Variants in ABCB1 observed in about 807,000 individuals in gnomAD.
The protein encoded by ABCB1 is ATP-dependent translocase ABCB1.
ABCB1 carries 69 observed loss-of-function variants against 142.0 expected under a neutral mutation model. The observed-to-expected ratio is 0.49, with a 90% confidence interval of 0.40 to 0.59. ABCB1 has a LOEUF of 0.59. ABCB1 is among the 20% of genes least tolerant of loss of function. The pLI, the probability that ABCB1 is intolerant of heterozygous loss-of-function variation, is 0.00. For synonymous variants in ABCB1, 532 were observed against 539.2 expected (o/e 0.99, Z 0.18); for missense variants, 1,326 against 1,554.7 (o/e 0.85, Z 2.47).
chr7:87,621,022 GAAGA>G (rs1160729058), intron 1 of ABCB1, among the ~76,000 whole-genome samples: 1 of 152,016 alleles, frequency 6.6e-6, no homozygotes, highest in Non-Finnish European at 1.5e-5. Flanking sequence ...AAAAAAATGT[GAAGA>G]AATAGACATA....
At chr7:87,526,539 A>G (rs1815791065) in intron 21 of ABCB1, among the ~76,000 whole-genome samples, 1 of 152,002 alleles carries the variant, frequency 6.6e-6, no homozygotes, top group Non-Finnish European at 1.5e-5. Context: ...TAAAAAAAAA[A>G]AGATTCTTAT....
chr7:87,538,634 C>A (rs1004058005), intron 19 of ABCB1, among the ~76,000 whole-genome samples: 3 of 152,182 alleles, frequency 2.0e-5, no homozygotes, highest in Non-Finnish European at 4.4e-5. Context: ...GTTAAAGGAA[C>A]TTTCCCCTTT....
At chr7:87,683,582 G>C (rs1009239585) in intron 1 of ABCB1, among the ~76,000 whole-genome samples, 2 of 152,174 alleles carry the variant, frequency 1.3e-5, no homozygotes, top group Non-Finnish European at 2.9e-5. Context: ...GGTAGCTGGA[G>C]CATTCAGAAC....
chr7:87,567,647 C>T (rs1340604325), intron 5 of ABCB1, among the ~76,000 whole-genome samples: 4 of 152,112 alleles, frequency 2.6e-5, no homozygotes, highest in Admixed American at 1.3e-4. Flanking sequence ...AACTGGCCAT[C>T]GTGAGTTATC....
intron 1 of ABCB1, among the ~76,000 whole-genome samples, chr7:87,671,526 T>C (rs1174124884): frequency 6.6e-6 from 1 of 152,048 alleles, no homozygotes; most frequent in Non-Finnish European, 1.5e-5. Context: ...TGCCTCGGAT[T>C]TTCTAGTACC....
At chr7:87,519,525 A>T (rs1326148150) in intron 22 of ABCB1, 59 bp from the exon 23 acceptor site, 1 of 1,609,050 alleles carries the variant, frequency 6.2e-7, no homozygotes, top group African/African-American at 1.3e-5. Context: ...TTAAAATGTA[A>T]CTTTTGATAG....
At chr7:87,712,597 G>A (rs185401345) in intron 1 of ABCB1, among the ~76,000 whole-genome samples, 2 of 152,140 alleles carry the variant, frequency 1.3e-5, no homozygotes, top group African/African-American at 2.4e-5. Context: ...AAATGATTGG[G>A]TGGGGTAGAA....
Position 87,615,684 on chromosome 7 carries a change from G to C in ABCB1, c.-330-14606C>G, listed in dbSNP as rs1426938495. ...GGGTAGCACCAACAAGATTGCAAAA[G>C]GCCTTACATGCCATGATAATATAAT... On this transcript the variant is annotated intron_variant, in intron 1 of 28. Transcript: ENST00000265724. Among the ~76,000 whole-genome samples, 7 of 152,292 alleles carry C rather than the reference G, an allele frequency of 4.6e-5. No homozygotes were observed. The East Asian group carries it at 1.3e-3, about 29-fold the overall frequency.
intron 21 of ABCB1, among the ~76,000 whole-genome samples, chr7:87,522,862 T>G (rs1376416577): frequency 6.6e-6 from 1 of 152,202 alleles, no homozygotes; most frequent in Non-Finnish European, 1.5e-5. Flanking sequence ...TATATCATTA[T>G]TTTTACCTTC....
chr7:87,628,580 CGTGCGTGT>C (rs760397172), intron 1 of ABCB1: 84 of 292,790 alleles, frequency 2.9e-4, no homozygotes, highest in Admixed American at 8.5e-4. Flanking sequence ...GTGGTGCGTG[CGTGCGTGT>C]GTGTGTGTGT....
Position 87,691,397 on chromosome 7 carries a change from A to G in ABCB1, c.-331+21764T>C, listed in dbSNP as rs73705302. On this transcript the variant is annotated intron_variant, in intron 1 of 28. Coordinates refer to the ABCB1 transcript ENST00000265724. ...CCTGAAATAACTATATGGTATAATT[A>G]TACTGTTGTATTTGAATGCATTTTG... is the stretch of plus-strand genomic sequence containing the variant. 3.2e-3 allele frequency among the ~76,000 whole-genome samples: 494 copies of G among 152,252 alleles called. 3 individuals carry two copies. The highest frequency in any genetic ancestry group is 0.011 in the African/African-American group (465 of 41,554).
At chr7:87,563,394 A>G (rs1156663477) in intron 7 of ABCB1, 1 of 455,196 alleles carries the variant, frequency 2.2e-6, no homozygotes, top group Non-Finnish European at 4.4e-6. Flanking sequence ...TTGATGAACA[A>G]ATATGATACA....
At chr7:87,625,243 C>T (rs1016100594) in intron 1 of ABCB1, among the ~76,000 whole-genome samples, 17 of 150,560 alleles carry the variant, frequency 1.1e-4, no homozygotes, top group African/African-American at 3.9e-4. Flanking sequence ...TGCGACTGAG[C>T]GAGACTGCGT....
At chr7:87,614,532 T>C (rs776269373) in intron 1 of ABCB1, among the ~76,000 whole-genome samples, 8 of 152,236 alleles carry the variant, frequency 5.3e-5, no homozygotes, top group Non-Finnish European at 1.0e-4. Flanking sequence ...CAGCATCTTC[T>C]AGTTTATGGC....
chr7:87,563,471 C>T, intron 7 of ABCB1: 1 of 400,992 alleles, frequency 2.5e-6, no homozygotes, highest in Non-Finnish European at 5.1e-6. Flanking sequence ...CTACCATGAT[C>T]AAGTAGGCTT....
Position 87,676,777 on chromosome 7 carries a change from C to T in ABCB1, c.-331+36384G>A, listed in dbSNP as rs953602100. ...CATTACCTGGATCACAACTCCTTGC[C>T]TTATCTTAAAATCACTCATATTCCC... On this transcript the variant is annotated intron_variant, in intron 1 of 28. Coordinates refer to the ABCB1 transcript ENST00000265724. Among the ~76,000 whole-genome samples, 16 of 151,160 alleles carry T rather than the reference C, an allele frequency of 1.1e-4. No homozygotes were observed. In the East Asian group the frequency reaches 1.5e-3, roughly 15 times the overall value.
chr7:87,560,549 C>T (rs890825162), intron 8 of ABCB1, among the ~76,000 whole-genome samples: 2 of 152,114 alleles, frequency 1.3e-5, no homozygotes. Flanking sequence ...TTCTTCATGG[C>T]TGTACCAAAC....
intron 1 of ABCB1, among the ~76,000 whole-genome samples, chr7:87,688,478 A>AC (rs1827695152): frequency 6.6e-6 from 1 of 151,840 alleles, no homozygotes; most frequent in African/African-American, 2.4e-5. Flanking sequence ...TCTGTTCATG[A>AC]CTTTTGCCTA....
intron 18 of ABCB1, among the ~76,000 whole-genome samples, chr7:87,539,994 C>T (rs998230265): frequency 1.7e-4 from 26 of 152,172 alleles, no homozygotes; most frequent in African/African-American, 6.3e-4. Flanking sequence ...GTATGGCAAT[C>T]CTATAAGTAG....
Sources: gnomAD v4.1 joint callset for allele counts (sites outside exome capture counted in the v4.1 genomes callset) on GRCh38, gnomAD v4.1.1 for gene constraint, MANE v1.5 for transcripts, NCBI Gene and HGNC (gene_info 2026-07-23, HGNC 2026-07-21) for gene names.